The following ASIC2 variants were observed in gnomAD, a reference collection of about 807,000 sequenced individuals.
ASIC2 encodes the protein acid-sensing ion channel 2.
Under a neutral mutation model 57.3 loss-of-function variants are expected in ASIC2, and 25 were observed. The observed-to-expected ratio is 0.44, with a 90% CI of 0.32 to 0.61. ASIC2 has a LOEUF of 0.61. Among genes scored for constraint, ASIC2 ranks in the 20% least tolerant of loss-of-function variants. ASIC2 has a pLI of 0.06. For synonymous variants in ASIC2, 319 were observed against 307.5 expected, an observed-to-expected ratio of 1.04 and a Z score of -0.39; for missense variants, 641 against 738.1, an observed-to-expected ratio of 0.87 and a Z score of 1.52.
chr17:33,242,624 G>C (rs1187592002), intron 1 of ASIC2, among the ~76,000 whole-genome samples: 1 of 152,110 alleles, frequency 6.6e-6, no homozygotes, highest in Non-Finnish European at 1.5e-5. Flanking sequence ...ATAAACATAA[G>C]AGCCTTAAGC....
chr17:34,019,379 G>A (rs1181457347), intron 1 of ASIC2, among the ~76,000 whole-genome samples: 8 of 152,134 alleles, frequency 5.3e-5, no homozygotes, highest in South Asian at 2.1e-4. Flanking sequence ...AAACAGCATC[G>A]CATGCCACAA....
intron 1 of ASIC2, among the ~76,000 whole-genome samples, chr17:33,859,978 C>T (rs779719101): frequency 2.0e-4 from 30 of 152,142 alleles, no homozygotes; most frequent in Non-Finnish European, 3.8e-4. Context: ...GACACCACAC[C>T]GAGCAGCCTT....
At chr17:33,521,279 T>C (rs1813371282) in intron 1 of ASIC2, among the ~76,000 whole-genome samples, 1 of 152,114 alleles carries the variant, frequency 6.6e-6, no homozygotes, top group African/African-American at 2.4e-5. Flanking sequence ...GGATGCAAAT[T>C]AGCTGAAATT....
At chr17:33,953,443 G>A (rs181417049) in intron 1 of ASIC2, among the ~76,000 whole-genome samples, 12 of 152,006 alleles carry the variant, frequency 7.9e-5, no homozygotes, top group Non-Finnish European at 1.5e-4. Flanking sequence ...CACTGTGATC[G>A]TAATTTTGTA....
intron 1 of ASIC2, among the ~76,000 whole-genome samples, chr17:33,993,036 G>T (rs1026270645): frequency 2.6e-5 from 4 of 152,112 alleles, no homozygotes; most frequent in African/African-American, 9.7e-5. Context: ...AGTGGGTATT[G>T]GATATCAGTA....
intron 1 of ASIC2, among the ~76,000 whole-genome samples, chr17:33,859,390 A>G (rs1016934124): frequency 2.0e-5 from 3 of 152,214 alleles, no homozygotes; most frequent in African/African-American, 7.2e-5. Flanking sequence ...AAATGAGGAA[A>G]AGGGGGGAGG....
intron 1 of ASIC2, among the ~76,000 whole-genome samples, chr17:33,266,197 C>A (rs60955824): frequency 0.091 from 13,902 of 152,216 alleles, 815 homozygotes; most frequent in South Asian, 0.23. Context: ...TCTGCTACAA[C>A]CCCTGTTTGA....
intron 1 of ASIC2, among the ~76,000 whole-genome samples, chr17:33,745,594 G>T (rs1034979544): frequency 6.6e-6 from 1 of 150,922 alleles, no homozygotes; most frequent in African/African-American, 2.4e-5. Context: ...ATTAACCATT[G>T]AATTCTTACC....
In ASIC2 at chr17:33,504,310, C is replaced by T. The variant is rs1860138898; in HGVS notation, c.556-392243G>A. On this transcript the variant is annotated intron_variant, in intron 1 of 9. Transcript: ENST00000359872. ...TATGTTTCTATACCTGGACACTTTA[C>T]TATTGACTTAGCCTGAAATCGTGTT... 3.3e-5 allele frequency among the ~76,000 whole-genome samples: 5 copies of T among 152,188 alleles called. No individual in the cohort carries two copies. The South Asian group carries it at 1.0e-3, about 32-fold the overall frequency.
chr17:33,777,716 T>C (rs1911327276), intron 1 of ASIC2, among the ~76,000 whole-genome samples: 1 of 152,204 alleles, frequency 6.6e-6, no homozygotes, highest in African/African-American at 2.4e-5. Flanking sequence ...TCCAGGTTAA[T>C]TATAAGCTGG....
At chr17:33,129,553 T>C (rs1312145393) in intron 1 of ASIC2, among the ~76,000 whole-genome samples, 2 of 152,214 alleles carry the variant, frequency 1.3e-5, no homozygotes, top group South Asian at 4.1e-4. Context: ...TAACCTTTCT[T>C]GGGAGATGCA....
Position 33,303,162 on chromosome 17 carries a change from A to G in ASIC2, c.556-191095T>C, listed in dbSNP as rs145482200. The stretch of plus-strand genomic sequence containing the variant: ...ATTCCAACTCAAGTGTGATTCCAAC[A>G]TATTGGTAATTATTAGAAAAGCAGA... On this transcript the variant is annotated intron_variant, in intron 1 of 9. Transcript: ENST00000359872. 3.9e-3 allele frequency among the ~76,000 whole-genome samples: 592 copies of G among 152,340 alleles called. 3 individuals are homozygous for G. The highest frequency in any genetic ancestry group is 0.013 in the African/African-American group (549 of 41,588).
chr17:33,320,899 T>G (rs1298569499), intron 1 of ASIC2, among the ~76,000 whole-genome samples: 1 of 152,218 alleles, frequency 6.6e-6, no homozygotes, highest in Non-Finnish European at 1.5e-5. Flanking sequence ...TACTCTACCC[T>G]GAGGTCCTGT....
intron 1 of ASIC2, among the ~76,000 whole-genome samples, chr17:33,302,248 C>T (rs893284047): frequency 2.0e-5 from 3 of 152,126 alleles, no homozygotes; most frequent in Non-Finnish European, 2.9e-5. Flanking sequence ...ACAAAACTCT[C>T]GTTAAAATAG....
At position 34,029,375 on chromosome 17, in the gene ASIC2, C is replaced by CAA. The variant is rs60189628; in HGVS notation, c.555+126601_555+126602dup. On this transcript the variant is annotated intron_variant, in intron 1 of 9. Coordinates refer to the ASIC2 transcript ENST00000359872. ...GAGGAATGTCTCACAGTGCTAAAAC[C>CAA]AAAAAAAAAAAAAAAAAAATAGTAA... Among the ~76,000 whole-genome samples the CAA allele has an allele frequency of 5.5e-3, 608 of 110,430 alleles. 2 individuals are homozygous for CAA. The highest frequency in any genetic ancestry group is 9.2e-3 in the Admixed American group (99 of 10,776). 72.4% of individuals were successfully genotyped at this position (110,430 alleles called of 152,430 possible).
chr17:33,859,561 G>A (rs1000342874), intron 1 of ASIC2, among the ~76,000 whole-genome samples: 3 of 152,166 alleles, frequency 2.0e-5, no homozygotes, highest in Non-Finnish European at 4.4e-5. Flanking sequence ...TGTTGGCTGG[G>A]GCTGCAGGGA....
At chr17:34,146,968 C>G (rs1912438043) in intron 1 of ASIC2, 1 of 152,192 alleles carries the variant, frequency 6.6e-6, no homozygotes, top group African/African-American at 2.4e-5. Flanking sequence ...CCTCATCCTG[C>G]TGCAGCCTCT....
intron 1 of ASIC2, among the ~76,000 whole-genome samples, chr17:34,093,428 A>T (rs1293535559): frequency 6.6e-6 from 1 of 152,214 alleles, no homozygotes; most frequent in Admixed American, 6.5e-5. Context: ...GCGGTGGGTT[A>T]GTGACCCACG....
intron 1 of ASIC2, among the ~76,000 whole-genome samples, chr17:33,158,975 T>C (rs1399877625): frequency 6.6e-6 from 1 of 152,202 alleles, no homozygotes; most frequent in Non-Finnish European, 1.5e-5. Context: ...TGCCAAGCAA[T>C]TGGGCGGTAC....
Sources: allele counts gnomAD v4.1 joint callset (sites outside exome capture counted in the v4.1 genomes callset), GRCh38; gene constraint gnomAD v4.1.1; transcripts MANE v1.5; gene names NCBI Gene and HGNC (gene_info 2026-07-23, HGNC 2026-07-21).